Variants in KRT82 observed in about 807,000 individuals in gnomAD.
KRT82 encodes the protein keratin, type II cuticular Hb2.
In KRT82, 44 loss-of-function variants were observed where a neutral mutation model predicts 48.0. That is an observed-to-expected ratio of 0.92 (90% confidence interval 0.72 to 1.18). The LOEUF (loss-of-function observed/expected upper bound fraction) is 1.18. Ranked by LOEUF, KRT82 falls within the 50% of genes most tolerant of loss-of-function variation. The pLI, the probability that KRT82 is intolerant of heterozygous loss-of-function variation, is 0.00. For missense variants in KRT82, 701 were observed against 671.4 expected (o/e 1.04, Z -0.49); for synonymous variants, 297 against 278.3 (o/e 1.07, Z -0.67).
intron 1 of KRT82, among the ~76,000 whole-genome samples, chr12:52,404,497 C>T (rs941252222): frequency 3.9e-5 from 6 of 152,218 alleles, no homozygotes; most frequent in Admixed American, 6.5e-5. Flanking sequence ...TGGCCTCCTC[C>T]TCCCTTTTCG....
chr12:52,400,223 C>T, intron 4 of KRT82, 74 bp from the exon 5 acceptor site: 1 of 1,463,740 alleles, frequency 6.8e-7, no homozygotes, highest in Admixed American at 1.8e-5. Context: ...AGAACCCGTT[C>T]TGACCTTCCC....
At position 52,406,242 on chromosome 12, in the gene KRT82, A is replaced by G. The variant is rs751787099; in HGVS notation, c.36T>C (p.Cys12=). 1.9e-6 allele frequency: 3 copies of G among 1,607,024 alleles called. No individual in the cohort carries two copies. Among genetic ancestry groups the G allele is most frequent in the Non-Finnish European group, 2.6e-6 (3 of 1,175,470 alleles). ...SYHSFQPGSR[C]GSQSFSSYSA... is the part of the protein sequence containing the mutation. ...AGTATGAGCTGAAACTCTGACTGCC[A>G]CACCTGGAGCCTGGCTGGAAAGAGT... The change falls in exon 1 of 9, where the codon TGT becomes TGC. Residue 12 remains cysteine (C), a synonymous_variant. Transcript: ENST00000257974.
rs1033527276 is a variant in KRT82, at chr12:52,399,974, C to A, written c.942+11G>T. The A allele has an allele frequency of 2.5e-6, 4 of 1,610,674 alleles. No individual in the cohort carries two copies. Among genetic ancestry groups the A allele is most frequent in the African/African-American group, 1.3e-5 (1 of 74,900 alleles). On this transcript the variant is annotated intron_variant, in intron 5 of 8. Transcript: ENST00000257974. ...TCTCCAGTCTCCCTGCCCCCAACCA[C>A]AGGGCCTCACCCGGCACTGGTACCA... is the stretch of plus-strand genomic sequence containing the variant.
In KRT82 at chr12:52,400,615, T is replaced by C. The variant is rs1439619495; in HGVS notation, c.689A>G (p.Asp230Gly). Residue 230 changes from aspartate (D) to glycine (G), a missense_variant, in exon 4 of 9, where the codon GAC becomes GGC. Physicochemically the swap from Asp to Gly is moderately conservative, Grantham distance 94. Transcript: ENST00000257974. ...GTCAGCCTTCATCAGGAAGGCTGTG[T>C]CCACGTCCTGCAGCAGAGCAGGGAC... The part of the protein sequence containing the change: ...NEFVALKKDV[D>G]TAFLMKADLE... 8 of 1,612,806 alleles carry C rather than the reference T, an allele frequency of 5.0e-6. No individual in the cohort carries two copies. In the African/African-American group the frequency reaches 9.3e-5, roughly 19 times the overall value.
intron 2 of KRT82, among the ~76,000 whole-genome samples, chr12:52,401,598 T>G (rs1436639721): frequency 6.6e-6 from 1 of 152,150 alleles, no homozygotes; most frequent in Non-Finnish European, 1.5e-5. Context: ...CCCTGGGAGA[T>G]CCTCCTTAAG....
rs149368758 is a variant in KRT82, at chr12:52,403,705, T to C, written c.616A>G (p.Lys206Glu). 1.2e-5 allele frequency: 20 copies of C among 1,600,030 alleles called. No individual in the cohort carries two copies. The highest frequency in any genetic ancestry group is 1.7e-5 in the Non-Finnish European group (20 of 1,168,672). Residue 206 changes from lysine (K) to glutamate (E), a missense_variant, in exon 2 of 9, where the codon AAA (lysine) becomes GAA (glutamate). Lys to Glu is a moderately conservative substitution (Grantham distance 56). Transcript: ENST00000257974. ...GTAAAAGCAGCACTGACTCACTTTT[T>C]CTTGTAGCCCTCCAGTGCAGCCTGG... ...SLQAALEGYK[K>E]KYEEELSLRP... is the part of the protein sequence containing the mutation.
At position 52,400,097 on chromosome 12, in the gene KRT82, A is replaced by C. The variant is rs773160375; in HGVS notation, c.830T>G (p.Met277Arg). 32 of 1,613,988 alleles carry C rather than the reference A, an allele frequency of 2.0e-5. No homozygotes were observed. The East Asian group carries it at 6.5e-4, about 33-fold the overall frequency. ...QISETSVIVKMDNSRELDVDG... is the reference protein window; with the variant it reads ...QISETSVIVKRDNSRELDVDG... ...CACGTCCAGCTCCCGGCTGTTGTCC[A>C]TCTTCACAATGACCGAGGTCTCAGA... The change falls in exon 5 of 9, where the codon ATG becomes AGG. Residue 277 changes from methionine to arginine, a missense_variant. Coordinates refer to ENST00000257974, the MANE Select transcript of KRT82 (RefSeq NM_033033.4).
At chr12:52,405,830 T>A in intron 1 of KRT82, 37 bp downstream of exon 1, 1 of 1,567,486 alleles carries the variant, frequency 6.4e-7, no homozygotes, top group African/African-American at 1.3e-5. Context: ...AGATCTGCAG[T>A]GGGTCCTCTC....
At chr12:52,398,063 C>A (rs1939737770) in intron 5 of KRT82, among the ~76,000 whole-genome samples, 1 of 152,060 alleles carries the variant, frequency 6.6e-6, no homozygotes, top group Non-Finnish European at 1.5e-5. Context: ...AATAAACAAA[C>A]AAACAAAAAA....
chr12:52,402,948 C>T (rs1321293014), intron 2 of KRT82, among the ~76,000 whole-genome samples: 2 of 152,142 alleles, frequency 1.3e-5, no homozygotes, highest in African/African-American at 4.8e-5. Context: ...ACTGGATTCC[C>T]ATGGGGCACT....
intron 5 of KRT82, among the ~76,000 whole-genome samples, chr12:52,398,460 A>T (rs556697111): frequency 2.3e-4 from 35 of 152,080 alleles, no homozygotes; most frequent in Admixed American, 9.8e-4. Flanking sequence ...ACTTTAGAAA[A>T]AAGTAAAAAT....
chr12:52,400,881 C>T (rs1236263586), intron 3 of KRT82, among the ~76,000 whole-genome samples: 1 of 152,212 alleles, frequency 6.6e-6, no homozygotes, highest in Non-Finnish European at 1.5e-5. Context: ...CTTTGCAGAG[C>T]CTGGGCCTGG....
chr12:52,396,856 C>A, intron 6 of KRT82, 27 bp downstream of exon 6: 3 of 1,612,354 alleles, frequency 1.9e-6, no homozygotes, highest in Non-Finnish European at 2.5e-6. Context: ...ATGGCTGTTG[C>A]AGCAAGGAAG....
Position 52,403,790 on chromosome 12 carries a change from C to T in KRT82, c.531G>A (p.Arg177=), listed in dbSNP as rs1027370563. ...CCCCGGACACACAGTCCAGCTGCCGCCGAAGGGCGCTGATATAGCCCTCGA... is the reference window on the plus strand; with the variant it reads ...CCCCGGACACACAGTCCAGCTGCCGTCGAAGGGCGCTGATATAGCCCTCGA... The part of the protein sequence containing the change: ...PIFEGYISAL[R]RQLDCVSGDR... The change falls in exon 2 of 9, where the codon CGG becomes CGA. Residue 177 remains arginine, a synonymous_variant. Transcript: ENST00000257974. 6.2e-7 allele frequency: 1 copy of T among 1,613,676 alleles called. No individual in the cohort carries two copies. Among genetic ancestry groups the T allele is most frequent in the Non-Finnish European group, 8.5e-7 (1 of 1,180,022 alleles).
chr12:52,405,725 G>T, intron 1 of KRT82, 142 bp downstream of exon 1: 3 of 734,978 alleles, frequency 4.1e-6, no homozygotes, highest in South Asian at 2.2e-5. Flanking sequence ...AAAGGCTGGT[G>T]GTCGTGGAAT....
intron 2 of KRT82, 113 bp from the exon 3 acceptor site, chr12:52,401,462 G>C: frequency 1.0e-6 from 1 of 987,950 alleles, no homozygotes; most frequent in Non-Finnish European, 1.6e-6. Context: ...ATGCCCTGGG[G>C]AGTGCCCAGG....
At chr12:52,395,654 TA>T (rs1390027218) in intron 8 of KRT82, 104 bp downstream of exon 8, 1 of 775,028 alleles carries the variant, frequency 1.3e-6, no homozygotes. Context: ...TCCTTTGGGG[TA>T]GGGGAGGCAT....
chr12:52,400,316 C>CAG (rs1230915257), intron 4 of KRT82, among the ~76,000 whole-genome samples, 167 bp from the exon 5 acceptor site: 1 of 152,220 alleles, frequency 6.6e-6, no homozygotes, highest in Non-Finnish European at 1.5e-5. Context: ...TCTGGTTGCC[C>CAG]AGAGCTTGGT....
rs556284907 is a variant in KRT82, at chr12:52,404,138, T to C, written c.412-229A>G. On this transcript the variant is annotated intron_variant, in intron 1 of 8. Transcript: ENST00000257974. The stretch of plus-strand genomic sequence containing the variant: ...CCCTACTTTCCACTCAGAGGTTGCG[T>C]GTTGTAGTGGATGGTACTTCTCCAA... Among the ~76,000 whole-genome samples, 4 of 152,214 alleles carry C rather than the reference T, an allele frequency of 2.6e-5. No homozygotes were observed. In the East Asian group the frequency reaches 5.8e-4, roughly 22 times the overall value.
Sources: gnomAD v4.1 joint callset for allele counts (sites outside exome capture counted in the v4.1 genomes callset) on GRCh38, gnomAD v4.1.1 for gene constraint, MANE v1.5 for transcripts, NCBI Gene and HGNC (gene_info 2026-07-23, HGNC 2026-07-21) for gene names.